Variants in VWC2 observed in about 807,000 individuals in gnomAD.
The protein encoded by VWC2 is brorin.
In VWC2, 14 loss-of-function variants were observed where a neutral mutation model predicts 29.8. That is an observed-to-expected ratio of 0.47 (90% confidence interval 0.31 to 0.74). VWC2 has a LOEUF of 0.74. Ranked by LOEUF, VWC2 falls within the 30% of genes least tolerant of loss-of-function variation. The probability of loss-of-function intolerance (pLI) is 0.05; values close to 1 mark genes in which losing one functional copy is unlikely to be tolerated. For missense variants in VWC2, 457 were observed against 459.8 expected (o/e 0.99, Z 0.05); for synonymous variants, 213 against 199.0 (o/e 1.07, Z -0.59).
chr7:49,837,773 G>C (rs1789697109), intron 3 of VWC2, among the ~76,000 whole-genome samples: 1 of 152,118 alleles, frequency 6.6e-6, no homozygotes, highest in Non-Finnish European at 1.5e-5. Context: ...GTAGCCGAGG[G>C]GGTGGAAATC....
intron 3 of VWC2, among the ~76,000 whole-genome samples, chr7:49,814,975 A>G (rs1015350863): frequency 3.3e-5 from 5 of 152,178 alleles, no homozygotes; most frequent in Non-Finnish European, 7.3e-5. Flanking sequence ...TTGTATTCTT[A>G]TGCCATTGAT....
At chr7:49,826,155 G>C (rs1218367842) in intron 3 of VWC2, among the ~76,000 whole-genome samples, 2 of 152,108 alleles carry the variant, frequency 1.3e-5, no homozygotes, top group Non-Finnish European at 2.9e-5. Flanking sequence ...CCTGCTTTTG[G>C]TGGCTTTCTA....
intron 2 of VWC2, among the ~76,000 whole-genome samples, chr7:49,787,119 T>G (rs2128702693): frequency 6.6e-6 from 1 of 152,288 alleles, no homozygotes; most frequent in East Asian, 1.9e-4. Context: ...TTCTCACTAC[T>G]CAGCCATGGG....
intron 2 of VWC2, among the ~76,000 whole-genome samples, chr7:49,802,041 G>C (rs1379979851): frequency 3.9e-5 from 6 of 152,200 alleles, no homozygotes; most frequent in Non-Finnish European, 7.3e-5. Context: ...CACCTACGTG[G>C]TGAGGGGATG....
intron 3 of VWC2, among the ~76,000 whole-genome samples, chr7:49,856,569 T>A (rs1011175762): frequency 3.3e-5 from 5 of 152,156 alleles, no homozygotes; most frequent in African/African-American, 9.7e-5. Flanking sequence ...TTTATTGAAG[T>A]ATAATTGGTA....
At chr7:49,894,473 T>C (rs1562757714) in intron 3 of VWC2, among the ~76,000 whole-genome samples, 1 of 152,254 alleles carries the variant, frequency 6.6e-6, no homozygotes, top group Non-Finnish European at 1.5e-5. Flanking sequence ...TACCATCCCT[T>C]GTTATAAAAA....
intron 2 of VWC2, among the ~76,000 whole-genome samples, chr7:49,785,172 A>G (rs1252022872): frequency 6.6e-6 from 1 of 151,846 alleles, no homozygotes; most frequent in Non-Finnish European, 1.5e-5. Context: ...GGAGGGATTA[A>G]CAGTTGTAGA....
At chr7:49,803,110 T>C (rs980291976) in intron 3 of VWC2, among the ~76,000 whole-genome samples, 1 of 152,254 alleles carries the variant, frequency 6.6e-6, no homozygotes, top group Non-Finnish European at 1.5e-5. Context: ...GTCACTTATT[T>C]TAATTTAACT....
At chr7:49,860,477 C>T (rs935951788) in intron 3 of VWC2, among the ~76,000 whole-genome samples, 11 of 152,102 alleles carry the variant, frequency 7.2e-5, no homozygotes, top group Non-Finnish European at 1.3e-4. Flanking sequence ...ATGTATATGC[C>T]GTGATTTGTT....
chr7:49,787,480 G>C (rs1390242940), intron 2 of VWC2, among the ~76,000 whole-genome samples: 1 of 152,160 alleles, frequency 6.6e-6, no homozygotes, highest in Non-Finnish European at 1.5e-5. Context: ...CTCCCCACCT[G>C]GTGACACTGT....
intron 2 of VWC2, among the ~76,000 whole-genome samples, chr7:49,789,119 TA>T (rs1338529549): frequency 7.0e-5 from 9 of 128,130 alleles, no homozygotes; most frequent in Admixed American, 2.3e-4. Context: ...TGAGAGAGTG[TA>T]GTGTGTGTGT....
intron 3 of VWC2, among the ~76,000 whole-genome samples, chr7:49,841,609 C>G (rs887856298): frequency 1.4e-4 from 21 of 152,184 alleles, no homozygotes; most frequent in African/African-American, 5.1e-4. Context: ...AGCTTTTTCC[C>G]TCAGACCTTC....
chr7:49,826,501 T>C (rs1051619176), intron 3 of VWC2, among the ~76,000 whole-genome samples: 1 of 152,214 alleles, frequency 6.6e-6, no homozygotes, highest in Admixed American at 6.5e-5. Context: ...GTTCTAACTA[T>C]AGCATTGCAG....
chr7:49,853,545 T>C (rs1047756764), intron 3 of VWC2, among the ~76,000 whole-genome samples: 1 of 152,002 alleles, frequency 6.6e-6, no homozygotes, highest in African/African-American at 2.4e-5. Context: ...TTTTTTTTTC[T>C]TTATCACGGT....
At chr7:49,881,355 T>C (rs948294327) in intron 3 of VWC2, among the ~76,000 whole-genome samples, 1 of 152,248 alleles carries the variant, frequency 6.6e-6, no homozygotes, top group African/African-American at 2.4e-5. Flanking sequence ...ACTTGAGAAA[T>C]TCAAAAAAAC....
chr7:49,889,841 G>A (rs1792056582), intron 3 of VWC2, among the ~76,000 whole-genome samples: 1 of 152,130 alleles, frequency 6.6e-6, no homozygotes, highest in African/African-American at 2.4e-5. Context: ...GCCCCAGTAT[G>A]CCGTCATTCA....
At chr7:49,881,263 A>G (rs928406098) in intron 3 of VWC2, among the ~76,000 whole-genome samples, 5 of 152,160 alleles carry the variant, frequency 3.3e-5, no homozygotes, top group Non-Finnish European at 2.9e-5. Context: ...CTTTTGTTCC[A>G]TTTGTTTCAT....
intron 3 of VWC2, among the ~76,000 whole-genome samples, chr7:49,826,378 T>A (rs1789392065): frequency 6.6e-6 from 1 of 152,156 alleles, no homozygotes; most frequent in Non-Finnish European, 1.5e-5. Context: ...GAGCATTTTT[T>A]AAAAAAGGAT....
intron 3 of VWC2, among the ~76,000 whole-genome samples, chr7:49,862,726 G>GTT (rs3062198): frequency 0.018 from 2,607 of 143,534 alleles, 82 homozygotes; most frequent in African/African-American, 0.063. Flanking sequence ...ATGACCATGA[G>GTT]TTTTTTTTTT....
Sources: allele counts gnomAD v4.1 joint callset (sites outside exome capture counted in the v4.1 genomes callset), GRCh38; gene constraint gnomAD v4.1.1; transcripts MANE v1.5; gene names NCBI Gene and HGNC (gene_info 2026-07-23, HGNC 2026-07-21).